EIF2S1: variants seen among roughly 807,000 people sequenced by gnomAD.
The protein encoded by EIF2S1 is eukaryotic translation initiation factor 2 subunit 1.
A neutral mutation model predicts 33.5 loss-of-function variants in EIF2S1; 5 were observed. That is an observed-to-expected ratio of 0.15 (90% CI 0.08 to 0.31). EIF2S1 has a LOEUF of 0.31. Among genes scored for constraint, EIF2S1 ranks in the 10% least tolerant of loss-of-function variants. The pLI is 1.00. For missense variants in EIF2S1, 191 were observed against 384.6 expected, an observed-to-expected ratio of 0.50 and a Z score of 4.21; for synonymous variants, 99 against 127.5, an observed-to-expected ratio of 0.78 and a Z score of 1.51.
chr14:67,367,052 C>T (rs542781908), intron 2 of EIF2S1, among the ~76,000 whole-genome samples: 1 of 152,146 alleles, frequency 6.6e-6, no homozygotes, highest in East Asian at 1.9e-4. Flanking sequence ...GGGAGATCCC[C>T]TAAGTCTATA....
chr14:67,365,096 TTAA>T, intron 2 of EIF2S1, 88 bp downstream of exon 2: 1 of 1,373,326 alleles, frequency 7.3e-7, no homozygotes. Context: ...AAGCTGCAGC[TTAA>T]AAAAAAAAGC....
At chr14:67,371,915 G>A (rs2085824361) in intron 2 of EIF2S1, among the ~76,000 whole-genome samples, 1 of 152,076 alleles carries the variant, frequency 6.6e-6, no homozygotes, top group Non-Finnish European at 1.5e-5. Flanking sequence ...GTATAAAAAG[G>A]ATAATAAAGC....
At chr14:67,379,026 C>G (rs2085872365) in intron 4 of EIF2S1, among the ~76,000 whole-genome samples, 1 of 152,076 alleles carries the variant, frequency 6.6e-6, no homozygotes, top group Non-Finnish European at 1.5e-5. Flanking sequence ...AAGCAGGATT[C>G]CCCCACAATG....
chr14:67,370,025 C>T, intron 2 of EIF2S1, among the ~76,000 whole-genome samples: 1 of 152,224 alleles, frequency 6.6e-6, no homozygotes, highest in Non-Finnish European at 1.5e-5. Context: ...AGCATTGTTT[C>T]TATAGATACT....
rs2085859066 is a variant in EIF2S1 at position 67,376,672 on chromosome 14, A to G, written c.473+82A>G. 3 of 1,444,016 alleles carry G rather than the reference A, an allele frequency of 2.1e-6. No individual in the cohort carries two copies. In the South Asian group the frequency reaches 4.0e-5, roughly 19 times the overall value. The allele number at this position is 1,444,016 out of a possible 1,614,324, so 89.5% of individuals were successfully genotyped here. On this transcript the variant is annotated intron_variant, in intron 4 of 7. Transcript: ENST00000256383. ...ATTTAACAGCATAGCATCCATGTAT[A>G]AAATACTTGCCAAATTTAGATTAAA...
At chr14:67,370,306 A>T (rs951166080) in intron 2 of EIF2S1, among the ~76,000 whole-genome samples, 48 of 152,348 alleles carry the variant, frequency 3.2e-4, no homozygotes, top group African/African-American at 1.1e-3. Context: ...GTTTATGGCT[A>T]GATTTTAGGG....
Position 67,383,903 on chromosome 14 carries a change from A to C in EIF2S1, c.*463A>C. On this transcript the variant is annotated 3_prime_UTR_variant, in exon 8 of 8. Transcript: ENST00000256383. ...CTTGTCACCAGTTAAAAGCATTTTA[A>C]TACTAAGACCCTAATTCTTTTATCT... 4.8e-6 allele frequency: 1 copy of C among 206,672 alleles called. No individual in the cohort carries two copies. Among genetic ancestry groups the C allele is most frequent in the Non-Finnish European group, 9.9e-6 (1 of 100,636 alleles). 12.8% of individuals were successfully genotyped at this position (206,672 alleles called of 1,614,324 possible).
At chr14:67,378,387 A>G (rs1285582803) in intron 4 of EIF2S1, among the ~76,000 whole-genome samples, 1 of 149,070 alleles carries the variant, frequency 6.7e-6, no homozygotes, top group African/African-American at 2.5e-5. Flanking sequence ...GATAACTAAC[A>G]TTTATATAAT....
intron 1 of EIF2S1, chr14:67,364,355 T>C (rs887596147): frequency 1.9e-5 from 3 of 159,188 alleles, no homozygotes; most frequent in African/African-American, 7.2e-5. Flanking sequence ...GCGTATACAA[T>C]GTTTGCTCAC....
chr14:67,377,294 A>G (rs1384039810), intron 4 of EIF2S1, among the ~76,000 whole-genome samples: 1 of 152,100 alleles, frequency 6.6e-6, no homozygotes, highest in Non-Finnish European at 1.5e-5. Flanking sequence ...GGGTGCTACT[A>G]GGAAAAATCA....
intron 2 of EIF2S1, among the ~76,000 whole-genome samples, chr14:67,370,916 C>A (rs1039988682): frequency 2.0e-5 from 3 of 151,972 alleles, no homozygotes; most frequent in African/African-American, 7.3e-5. Flanking sequence ...TCAGTTCCAG[C>A]TACTAGAGAA....
chr14:67,374,502 A>T lies in EIF2S1; in HGVS notation c.276A>T (p.Pro92=). The stretch of plus-strand genomic sequence containing the variant: ...ATTTGTCAAAAAGAAGAGTTTCTCC[A>T]GAGGAAGCAATCAAATGTGAAGACA... ...YIDLSKRRVS[P]EEAIKCEDKF... Residue 92 remains proline, a synonymous_variant, in exon 3 of 8, where the codon CCA becomes CCT. Coordinates refer to ENST00000256383, the MANE Select transcript of EIF2S1 (RefSeq NM_004094.5). 1 of 1,608,254 alleles carries T rather than the reference A, an allele frequency of 6.2e-7. No individual in the cohort carries two copies. Among genetic ancestry groups the T allele is most frequent in the South Asian group, 1.1e-5 (1 of 89,632 alleles).
intron 2 of EIF2S1, among the ~76,000 whole-genome samples, chr14:67,367,846 AAG>A (rs1054158519): frequency 1.3e-5 from 2 of 152,086 alleles, no homozygotes; most frequent in African/African-American, 4.8e-5. Flanking sequence ...AAAAAAAAAA[AAG>A]AGAGAGGTGA....
At chr14:67,372,908 C>G (rs2085832888) in intron 2 of EIF2S1, among the ~76,000 whole-genome samples, 3 of 151,898 alleles carry the variant, frequency 2.0e-5, no homozygotes, top group African/African-American at 7.3e-5. Context: ...TGAATAGACA[C>G]TTTGCCAGAG....
chr14:67,382,702 C>A, intron 7 of EIF2S1, 112 bp downstream of exon 7: 1 of 1,260,212 alleles, frequency 7.9e-7, no homozygotes, highest in Non-Finnish European at 1.1e-6. Flanking sequence ...GATGGTCATT[C>A]AGGCCTTTGA....
chr14:67,383,455 G>C lies in EIF2S1; in HGVS notation c.*15G>C, dbSNP rs776938540. ...CTGAAGATTAACTTTGTGGGAAACA[G>C]AGTCCAATTTAAGGAACACAGAGCA... On this transcript the variant is annotated 3_prime_UTR_variant, in exon 8 of 8. Transcript: ENST00000256383. 6.2e-7 allele frequency: 1 copy of C among 1,611,950 alleles called. No individual in the cohort carries two copies. Among genetic ancestry groups the C allele is most frequent in the Admixed American group, 1.7e-5 (1 of 59,916 alleles).
chr14:67,380,587 C>T (rs1255487899), intron 4 of EIF2S1, 72 bp from the exon 5 acceptor site: 5 of 748,818 alleles, frequency 6.7e-6, no homozygotes, highest in African/African-American at 1.8e-5. Flanking sequence ...TGCATTGTTC[C>T]ATAGTGTTTG....
At position 67,385,431 on chromosome 14, in the gene EIF2S1, C is replaced by G. The variant is rs1425964540; in HGVS notation, c.*1991C>G. ...CTCGAGCCTGGGTGACAGGGCAAGA[C>G]CCTGTCTCAAAAAAAAAAAAAAAAA... On this transcript the variant is annotated 3_prime_UTR_variant, in exon 8 of 8. Transcript: ENST00000256383. The G allele has an allele frequency of 7.4e-6, 1 of 135,216 alleles. No homozygotes were observed. The highest frequency in any genetic ancestry group is 1.5e-5 in the Non-Finnish European group (1 of 66,808). The allele number at this position is 135,216 out of a possible 1,614,324, so 8.4% of individuals were successfully genotyped here. A position where few individuals can be genotyped will look rare whatever the true frequency, so the allele number is the denominator to read the frequency against.
Position 67,384,370 on chromosome 14 carries a change from T to G in EIF2S1, c.*930T>G, listed in dbSNP as rs995977928. The G allele has an allele frequency of 3.3e-5, 5 of 151,552 alleles. No individual in the cohort carries two copies. The highest frequency in any genetic ancestry group is 1.9e-4 in the East Asian group (1 of 5,194). 9.4% of individuals were successfully genotyped at this position (151,552 alleles called of 1,614,324 possible). A position where few individuals can be genotyped will look rare whatever the true frequency, so the allele number is the denominator to read the frequency against. ...ATCTGTTTGAACACTTACTGTTGTT[T>G]TTTTTTTTTTACATGTTTCCATCAT... On this transcript the variant is annotated 3_prime_UTR_variant, in exon 8 of 8. Transcript: ENST00000256383.
Sources: gnomAD v4.1 joint callset for allele counts (sites outside exome capture counted in the v4.1 genomes callset) on GRCh38, gnomAD v4.1.1 for gene constraint, MANE v1.5 for transcripts, NCBI Gene and HGNC (gene_info 2026-07-23, HGNC 2026-07-21) for gene names.